SCML4: variants seen among roughly 807,000 people sequenced by gnomAD.
The protein encoded by SCML4 is Scm polycomb group protein like 4, also known as sex comb on midleg-like protein 4.
A neutral mutation model predicts 41.1 loss-of-function variants in SCML4; 34 were observed. The ratio of observed to expected loss-of-function variants is 0.83; its 90% CI spans 0.63 to 1.10. The LOEUF (loss-of-function observed/expected upper bound fraction) is 1.10, where lower values mean the gene tolerates loss of function less well. Ranked by LOEUF, SCML4 falls within the 50% of genes least tolerant of loss-of-function variation. The pLI, the probability that SCML4 is intolerant of heterozygous loss-of-function variation, is 0.00. For synonymous variants in SCML4, 214 were observed against 220.9 expected (o/e 0.97, Z 0.28); for missense variants, 522 against 534.1 (o/e 0.98, Z 0.22).
Position 107,745,003 on chromosome 6 carries a change from C to T in SCML4, c.628G>A (p.Gly210Ser), listed in dbSNP as rs753551974. ...TGGACTTTCTCAGAGGCACTGCAGC[C>T]CCTGGGGAAGGGCTGGTGGCTGAAG... Reference protein sequence around the residue: ...DLFSHQPFPRGCSASEKVQEK... With the variant: ...DLFSHQPFPRSCSASEKVQEK... Residue 210 changes from glycine (G) to serine (S), a missense_variant, in exon 5 of 8, where the codon GGC becomes AGC. Physicochemically the swap from Gly to Ser is moderately conservative, Grantham distance 56. Coordinates refer to ENST00000369020, the MANE Select transcript of SCML4 (RefSeq NM_198081.5). 2.5e-6 allele frequency: 4 copies of T among 1,613,900 alleles called. No homozygotes were observed. Among genetic ancestry groups the T allele is most frequent in the Non-Finnish European group, 3.4e-6 (4 of 1,179,890 alleles).
At chr6:107,724,844 G>A (rs1050899369) in intron 5 of SCML4, among the ~76,000 whole-genome samples, 1 of 152,152 alleles carries the variant, frequency 6.6e-6, no homozygotes, top group Non-Finnish European at 1.5e-5. Flanking sequence ...CAAAAACAAA[G>A]TAGAAGGCTC....
At chr6:107,843,695 C>A in the SCML4 span, among the ~76,000 whole-genome samples, 1 of 152,194 alleles carries the variant, frequency 6.6e-6, no homozygotes, top group Non-Finnish European at 1.5e-5. Flanking sequence ...GCACTGCCCC[C>A]AGAGACACAT....
chr6:107,771,981 C>T (rs566024590), intron 2 of SCML4, among the ~76,000 whole-genome samples, 191 bp downstream of exon 2: 30 of 152,288 alleles, frequency 2.0e-4, no homozygotes, highest in African/African-American at 6.0e-4. Context: ...AAAATGCACA[C>T]GACAGCATGC....
At chr6:107,840,646 A>G in the SCML4 span, among the ~76,000 whole-genome samples, 5 of 152,348 alleles carry the variant, frequency 3.3e-5, no homozygotes, top group African/African-American at 1.2e-4. Context: ...TTACATAGTG[A>G]TAACTGCTAC....
intron 1 of SCML4, among the ~76,000 whole-genome samples, chr6:107,812,465 G>A (rs1298417760): frequency 6.6e-6 from 1 of 152,198 alleles, no homozygotes; most frequent in African/African-American, 2.4e-5. Context: ...ACTAGATTGG[G>A]CCGTGGGTGC....
chr6:107,718,892 A>T (rs561650144), intron 6 of SCML4: 2 of 152,302 alleles, frequency 1.3e-5, no homozygotes, highest in East Asian at 3.8e-4. Flanking sequence ...AGAGAAAGAC[A>T]TTTAAACTCA....
intron 7 of SCML4, among the ~76,000 whole-genome samples, chr6:107,706,747 G>A (rs1773670991): frequency 6.6e-6 from 1 of 152,150 alleles, no homozygotes; most frequent in Non-Finnish European, 1.5e-5. Context: ...CGTGGAAGAG[G>A]ACATCAGCAG....
At chr6:107,743,862 C>A (rs929955823) in intron 5 of SCML4, 4 of 152,214 alleles carry the variant, frequency 2.6e-5, no homozygotes, top group African/African-American at 9.7e-5. Context: ...TCCCTGCTGT[C>A]CTCTTGAATT....
intron 7 of SCML4, among the ~76,000 whole-genome samples, chr6:107,706,726 AG>A (rs1310194307): frequency 3.3e-5 from 5 of 152,278 alleles, no homozygotes; most frequent in African/African-American, 1.2e-4. Context: ...GTAATCACAA[AG>A]CTCCTTAAAC....
chr6:107,764,971 G>A (rs1215829772), intron 2 of SCML4, among the ~76,000 whole-genome samples: 1 of 152,182 alleles, frequency 6.6e-6, no homozygotes, highest in Non-Finnish European at 1.5e-5. Flanking sequence ...ATGTGGAACT[G>A]TGAGTCCATT....
chr6:107,843,913 T>G, the SCML4 span, among the ~76,000 whole-genome samples: 1 of 145,810 alleles, frequency 6.9e-6, no homozygotes, highest in Non-Finnish European at 1.5e-5. Context: ...GCACTGTGCT[T>G]TCTCCACCAC....
At chr6:107,845,582 T>C in the SCML4 span, among the ~76,000 whole-genome samples, 4 of 152,200 alleles carry the variant, frequency 2.6e-5, no homozygotes, top group Admixed American at 6.5e-5. Flanking sequence ...AATTAGAACA[T>C]TACAATCTTA....
chr6:107,705,140 A>C lies in SCML4; in HGVS notation c.*60T>G, dbSNP rs980768207. 2.3e-5 allele frequency: 33 copies of C among 1,450,968 alleles called. No homozygotes were observed. In the Middle Eastern group the frequency reaches 1.0e-3, roughly 45 times the overall value. 89.9% of individuals were successfully genotyped at this position (1,450,968 alleles called of 1,614,324 possible). A position where few individuals can be genotyped will look rare whatever the true frequency, so the allele number is the denominator to read the frequency against. On this transcript the variant is annotated 3_prime_UTR_variant, in exon 8 of 8. Coordinates refer to ENST00000369020, the MANE Select transcript of SCML4 (RefSeq NM_198081.5). ...TTGTGATGTTGGCGGGATATTGGTA[A>C]GGCAGAAGATAATCTTGGGATCTGT...
the SCML4 span, among the ~76,000 whole-genome samples, chr6:107,842,249 C>G: frequency 6.6e-6 from 1 of 152,058 alleles, no homozygotes; most frequent in Non-Finnish European, 1.5e-5. Context: ...TTACTGATTT[C>G]TAGCTTAATT....
the SCML4 span, among the ~76,000 whole-genome samples, chr6:107,843,787 G>A: frequency 1.3e-5 from 2 of 152,180 alleles, no homozygotes; most frequent in Admixed American, 6.5e-5. Flanking sequence ...GTTAGAGGGT[G>A]TAGGCAGGGA....
intron 6 of SCML4, among the ~76,000 whole-genome samples, chr6:107,717,515 G>A (rs578051349): frequency 6.6e-6 from 1 of 152,124 alleles, no homozygotes; most frequent in South Asian, 2.1e-4. Context: ...CTGGATTTCA[G>A]GGTCTCAGGC....
chr6:107,827,237 T>G (rs1785292721), upstream of SCML4, among the ~76,000 whole-genome samples: 1 of 147,254 alleles, frequency 6.8e-6, no homozygotes, highest in Middle Eastern at 3.3e-3. Flanking sequence ...TATATTTTTA[T>G]TTAAATATAT....
intron 5 of SCML4, among the ~76,000 whole-genome samples, chr6:107,722,094 A>T (rs1218837748): frequency 1.3e-5 from 2 of 150,256 alleles, no homozygotes; most frequent in African/African-American, 4.9e-5. Context: ...GGTTGAAGCG[A>T]TTCTCTTGCC....
chr6:107,748,955 G>T (rs1778371790), intron 3 of SCML4, among the ~76,000 whole-genome samples: 1 of 152,196 alleles, frequency 6.6e-6, no homozygotes, highest in Non-Finnish European at 1.5e-5. Flanking sequence ...CAGTCCTGGG[G>T]ACTGAGAGAA....
Sources: allele counts gnomAD v4.1 joint callset (sites outside exome capture counted in the v4.1 genomes callset), GRCh38; gene constraint gnomAD v4.1.1; transcripts MANE v1.5; gene names NCBI Gene and HGNC (gene_info 2026-07-23, HGNC 2026-07-21).